ELAPOR1: variants seen among roughly 807,000 people sequenced by gnomAD.
The protein encoded by ELAPOR1 is endosome-lysosome associated apoptosis and autophagy regulator 1.
ELAPOR1 carries 77 observed loss-of-function variants against 119.7 expected under a neutral mutation model. The observed-to-expected ratio is 0.64, with a 90% CI of 0.54 to 0.78. ELAPOR1 has a LOEUF of 0.78. ELAPOR1 is among the 30% of genes least tolerant of loss of function. ELAPOR1 has a pLI of 0.00. For synonymous variants in ELAPOR1, 481 were observed against 487.2 expected, an observed-to-expected ratio of 0.99 and a Z score of 0.17; for missense variants, 1,115 against 1,270.4, an observed-to-expected ratio of 0.88 and a Z score of 1.86.
At chr1:109,191,605 A>G (rs1435701034) in intron 12 of ELAPOR1, 121 bp from the exon 13 acceptor site, 87 of 1,426,436 alleles carry the variant, frequency 6.1e-5, no homozygotes, top group Non-Finnish European at 8.4e-5. Context: ...ACTGACCAGC[A>G]GGGACTTCAC....
Position 109,164,629 on chromosome 1 carries a change from C to T in ELAPOR1, c.405C>T (p.Ala135=). Residue 135 remains alanine, a synonymous_variant, in exon 3 of 22, where the codon GCC becomes GCT. Coordinates refer to ENST00000369939, the MANE Select transcript of ELAPOR1 (RefSeq NM_020775.5). ...DEWDELPHGF[A]SLSANMELDD... The stretch of plus-strand genomic sequence containing the variant: ...GGGATGAGCTGCCCCATGGCTTTGC[C>T]AGCCTCTCAGCCAACATGGAGCTGG... The T allele has an allele frequency of 6.2e-7, 1 of 1,614,260 alleles. No homozygotes were observed. Among genetic ancestry groups the T allele is most frequent in the Non-Finnish European group, 8.5e-7 (1 of 1,180,034 alleles).
At chr1:109,136,502 A>G (rs1006508815) in intron 1 of ELAPOR1, among the ~76,000 whole-genome samples, 2 of 152,096 alleles carry the variant, frequency 1.3e-5, no homozygotes, top group Non-Finnish European at 2.9e-5. Context: ...ACAAATTTCT[A>G]TTGTTCAAAG....
intron 1 of ELAPOR1, among the ~76,000 whole-genome samples, chr1:109,128,901 C>A (rs1648965456): frequency 6.6e-6 from 1 of 152,120 alleles, no homozygotes; most frequent in Non-Finnish European, 1.5e-5. Flanking sequence ...TGCCATTTCC[C>A]AGCTTATTAA....
intron 1 of ELAPOR1, among the ~76,000 whole-genome samples, chr1:109,133,894 C>T (rs978487621): frequency 1.3e-5 from 2 of 152,142 alleles, no homozygotes; most frequent in African/African-American, 4.8e-5. Context: ...GAATGGCATC[C>T]TGTCTTAATT....
At chr1:109,184,758 A>G (rs971450644) in intron 7 of ELAPOR1, among the ~76,000 whole-genome samples, 2 of 152,242 alleles carry the variant, frequency 1.3e-5, no homozygotes, top group African/African-American at 4.8e-5. Flanking sequence ...TCCTTTGGCC[A>G]GGCCACTTCT....
rs1392493625 is a variant in ELAPOR1, at chr1:109,192,622, C to T, written c.1695C>T (p.Tyr565=). ...RTTFHEASRK[Y]TNDVAKIYSI... Reference sequence around the variant, plus strand: ...TTCCTTGTCTCCAGAGCAGGAAGTACACCAATGACGTTGCCAAGATCTACT... The same window carrying T: ...TTCCTTGTCTCCAGAGCAGGAAGTATACCAATGACGTTGCCAAGATCTACT... Residue 565 remains tyrosine (Y), a synonymous_variant, in exon 14 of 22, where the codon TAC becomes TAT. Coordinates refer to ENST00000369939, the MANE Select transcript of ELAPOR1 (RefSeq NM_020775.5). 1.2e-6 allele frequency: 2 copies of T among 1,613,904 alleles called. No homozygotes were observed. The highest frequency in any genetic ancestry group is 1.6e-4 in the Middle Eastern group (1 of 6,062).
intron 1 of ELAPOR1, among the ~76,000 whole-genome samples, chr1:109,144,062 T>TATATATATATATA (rs1296463049): frequency 9.6e-4 from 35 of 36,472 alleles, no homozygotes; most frequent in Non-Finnish European, 1.5e-3. Context: ...TATTTATATA[T>TATATATATATATA]TTTTTTTTTT....
At chr1:109,154,281 CA>C (rs745938875) in intron 1 of ELAPOR1, among the ~76,000 whole-genome samples, 425 of 39,768 alleles carry the variant, frequency 0.011, no homozygotes, top group East Asian at 0.086. Flanking sequence ...AACTCCGTCT[CA>C]AAAAAAAAAA....
At chr1:109,187,792 C>T (rs977536972) in intron 8 of ELAPOR1, 1 of 859,906 alleles carries the variant, frequency 1.2e-6, no homozygotes, top group African/African-American at 1.8e-5. Context: ...TCTGAGCCAC[C>T]TCCACCCTTG....
intron 7 of ELAPOR1, among the ~76,000 whole-genome samples, chr1:109,177,237 GA>G (rs1652368288): frequency 8.2e-6 from 1 of 121,470 alleles, no homozygotes; most frequent in Non-Finnish European, 1.7e-5. Flanking sequence ...GCGGGGGGCT[GA>G]CCCCCCCACC....
intron 11 of ELAPOR1, 93 bp from the exon 12 acceptor site, chr1:109,191,273 C>A (rs1359306830): frequency 2.4e-6 from 2 of 818,316 alleles, no homozygotes; most frequent in Non-Finnish European, 4.1e-6. Flanking sequence ...CAGAACTTAA[C>A]CCTGTCCCCC....
In ELAPOR1 at chr1:109,158,234, T is replaced by C. The variant is rs1201751535; in HGVS notation, c.154-3660T>C. 2.0e-5 allele frequency among the ~76,000 whole-genome samples: 3 copies of C among 152,220 alleles called. No individual in the cohort carries two copies. In the East Asian group the frequency reaches 5.8e-4, roughly 29 times the overall value. ...TCATTTTTAAAAGTAACAGATACTA[T>C]TTTGAAAGCAAGTGGTGGGAAGGTA... On this transcript the variant is annotated intron_variant, in intron 1 of 21. Transcript: ENST00000369939.
rs1322844676 is a variant in ELAPOR1, at chr1:109,198,095, C to T, written c.2399+20C>T. ...TTATAGGTGAAGATGAGAGGCTAGG[C>T]TAATGCAAGTGAAACCTAGGACTCC... On this transcript the variant is annotated intron_variant, in intron 17 of 21. Coordinates refer to ENST00000369939, the MANE Select transcript of ELAPOR1 (RefSeq NM_020775.5). 2.5e-6 allele frequency: 4 copies of T among 1,579,186 alleles called. No individual in the cohort carries two copies. In the African/African-American group the frequency reaches 5.4e-5, roughly 21 times the overall value.
intron 10 of ELAPOR1, 88 bp from the exon 11 acceptor site, chr1:109,189,504 T>C: frequency 8.2e-7 from 1 of 1,225,870 alleles, no homozygotes; most frequent in Non-Finnish European, 1.2e-6. Context: ...AAAGATGGTG[T>C]CAAACCTCCC....
chr1:109,182,866 CAA>C (rs60530937), intron 7 of ELAPOR1, among the ~76,000 whole-genome samples: 336 of 96,522 alleles, frequency 3.5e-3, no homozygotes, highest in South Asian at 0.01. Context: ...GACTCCATCT[CAA>C]AAAAAAAAAA....
rs903263751 is a variant in ELAPOR1 at position 109,185,761 on chromosome 1, C to T, written c.1041+628C>T. On this transcript the variant is annotated intron_variant, in intron 8 of 21. Transcript: ENST00000369939. ...TGAGAGGCTGGAGAGAGGAGAAAAA[C>T]GGGCCCAGTCAAGGCAACCAGAGGG... Among the ~76,000 whole-genome samples, 39 of 152,078 alleles carry T rather than the reference C, an allele frequency of 2.6e-4. 1 individual carries two copies. The highest frequency in any genetic ancestry group is 2.1e-4 in the South Asian group (1 of 4,828).
intron 7 of ELAPOR1, among the ~76,000 whole-genome samples, chr1:109,175,341 T>C (rs1216532626): frequency 6.6e-6 from 1 of 151,266 alleles, no homozygotes; most frequent in African/African-American, 2.4e-5. Context: ...TAGCTGGGAT[T>C]ACAGGCGTGC....
chr1:109,174,779 G>A (rs369144150), intron 7 of ELAPOR1, among the ~76,000 whole-genome samples: 1 of 151,908 alleles, frequency 6.6e-6, no homozygotes, highest in Non-Finnish European at 1.5e-5. Context: ...GCAGTGGCGC[G>A]ATCTCAGCTC....
Position 109,156,082 on chromosome 1 carries a change from C to T in ELAPOR1, c.154-5812C>T, listed in dbSNP as rs749720875. On this transcript the variant is annotated intron_variant, in intron 1 of 21. Transcript: ENST00000369939. ...ATCACTTGAGCCTGGGAGGTTGAGG[C>T]TGCAGTGAGCTGTGATTGCACCACT... 6.0e-4 allele frequency among the ~76,000 whole-genome samples: 91 copies of T among 152,240 alleles called. No individual in the cohort carries two copies. In the Middle Eastern group the frequency reaches 0.017, roughly 28 times the overall value.
Sources: allele counts gnomAD v4.1 joint callset (sites outside exome capture counted in the v4.1 genomes callset), GRCh38; gene constraint gnomAD v4.1.1; transcripts MANE v1.5; gene names NCBI Gene and HGNC (gene_info 2026-07-23, HGNC 2026-07-21).